Variants in FHIT observed in about 807,000 individuals in gnomAD.
FHIT encodes fragile histidine triad diadenosine triphosphatase, also known as bis(5'-adenosyl)-triphosphatase.
FHIT carries 19 observed loss-of-function variants against 17.9 expected under a neutral mutation model. The ratio of observed to expected loss-of-function variants is 1.06; its 90% CI spans 0.74 to 1.56. FHIT has a LOEUF of 1.56. Among genes scored for constraint, FHIT ranks in the 40% most tolerant of loss-of-function variants. FHIT has a pLI of 0.00. For missense variants in FHIT, 248 were observed against 189.2 expected (o/e 1.31, Z -1.82); for synonymous variants, 81 against 69.7 (o/e 1.16, Z -0.81).
chr3:61,117,234 C>G (rs574368998), intron 2 of FHIT, among the ~76,000 whole-genome samples: 32 of 152,284 alleles, frequency 2.1e-4, no homozygotes, highest in Admixed American at 3.9e-4. Context: ...ATCTTTTAAG[C>G]AACATGAGAC....
At chr3:59,897,309 C>A (rs1261652192) in intron 8 of FHIT, among the ~76,000 whole-genome samples, 3 of 152,180 alleles carry the variant, frequency 2.0e-5, no homozygotes, top group Non-Finnish European at 4.4e-5. Context: ...GCTCTAGACA[C>A]CCTCCCTATA....
Position 60,922,527 on chromosome 3 carries a change from A to G in FHIT, c.-110-100516T>C, listed in dbSNP as rs77430840. Among the ~76,000 whole-genome samples the G allele has an allele frequency of 4.5e-3, 691 of 152,352 alleles. 21 individuals are homozygous for G. The East Asian group carries it at 0.096, about 21-fold the overall frequency. ...GAGGTACCCACCTTCAGGAGAAAGA[A>G]ATTGCCTTTGCAATATAAAAGTTGC... On this transcript the variant is annotated intron_variant, in intron 3 of 9. Coordinates refer to ENST00000492590, the MANE Select transcript of FHIT (RefSeq NM_002012.4).
chr3:60,869,746 T>A (rs1704323705), intron 3 of FHIT, among the ~76,000 whole-genome samples: 2 of 151,998 alleles, frequency 1.3e-5, no homozygotes, highest in Admixed American at 1.3e-4. Context: ...ACCCCAGAAG[T>A]GCCAAGATAA....
At chr3:60,826,171 AAGGAAGGAAG>A (rs1702109989) in intron 3 of FHIT, among the ~76,000 whole-genome samples, 2 of 78,232 alleles carry the variant, frequency 2.6e-5, no homozygotes, top group Non-Finnish European at 5.2e-5. Context: ...GGAAGGAAGG[AAGGAAGGAAG>A]GAAGGAAGGA....
At chr3:60,824,590 C>T (rs555892002) in intron 3 of FHIT, among the ~76,000 whole-genome samples, 1 of 152,312 alleles carries the variant, frequency 6.6e-6, no homozygotes, top group Non-Finnish European at 1.5e-5. Flanking sequence ...CTCAACCTCA[C>T]TGATATGGTT....
At chr3:61,058,545 T>C (rs1375963194) in intron 2 of FHIT, among the ~76,000 whole-genome samples, 1 of 152,140 alleles carries the variant, frequency 6.6e-6, no homozygotes, top group African/African-American at 2.4e-5. Flanking sequence ...CTCGCAATAA[T>C]GAGTGAGATC....
chr3:61,207,030 A>G (rs374640899), intron 1 of FHIT, among the ~76,000 whole-genome samples: 4 of 152,054 alleles, frequency 2.6e-5, no homozygotes, highest in Admixed American at 6.6e-5. Flanking sequence ...TAGCATGAAG[A>G]GTTGTTGAAT....
At chr3:60,190,767 TAATAAA>T (rs1489662479) in intron 5 of FHIT, among the ~76,000 whole-genome samples, 1 of 151,840 alleles carries the variant, frequency 6.6e-6, no homozygotes, top group African/African-American at 2.4e-5. Flanking sequence ...AGTATAATAA[TAATAAA>T]ATTTAAAAAA....
At chr3:60,090,291 G>A (rs1576075804) in intron 5 of FHIT, among the ~76,000 whole-genome samples, 1 of 152,144 alleles carries the variant, frequency 6.6e-6, no homozygotes, top group African/African-American at 2.4e-5. Context: ...CTGCAAAACT[G>A]TCATTCCTCT....
intron 1 of FHIT, among the ~76,000 whole-genome samples, chr3:61,250,691 C>T (rs930992895): frequency 3.9e-5 from 6 of 152,162 alleles, no homozygotes; most frequent in East Asian, 1.9e-4. Flanking sequence ...AAATTCCCCC[C>T]TTTGACGCTA....
intron 8 of FHIT, among the ~76,000 whole-genome samples, chr3:59,830,569 T>A (rs1202270293): frequency 6.6e-6 from 1 of 152,228 alleles, no homozygotes; most frequent in East Asian, 1.9e-4. Flanking sequence ...AGTGTGCAGT[T>A]TTCCCCAACA....
intron 4 of FHIT, among the ~76,000 whole-genome samples, chr3:60,545,890 T>C (rs1433258275): frequency 6.6e-6 from 1 of 152,226 alleles, no homozygotes; most frequent in Non-Finnish European, 1.5e-5. Flanking sequence ...TTCATTGGTT[T>C]CTGAGAGGAC....
intron 5 of FHIT, among the ~76,000 whole-genome samples, chr3:60,502,304 G>A (rs1307683951): frequency 2.0e-5 from 3 of 152,100 alleles, no homozygotes; most frequent in African/African-American, 7.2e-5. Context: ...GCATCTCAGT[G>A]GTCATAGAGG....
chr3:60,722,908 G>C (rs554644841), intron 4 of FHIT, among the ~76,000 whole-genome samples: 25 of 152,086 alleles, frequency 1.6e-4, no homozygotes, highest in Admixed American at 9.2e-4. Context: ...AGTTTTAGTA[G>C]AGACTGGGTT....
chr3:60,635,393 CTGAACCACTTAG>C (rs1200183494), intron 4 of FHIT, among the ~76,000 whole-genome samples: 1 of 152,220 alleles, frequency 6.6e-6, no homozygotes, highest in Non-Finnish European at 1.5e-5. Flanking sequence ...CCTCCCTTTA[CTGAACCACTTAG>C]TGGCATTTGG....
rs559348430 is a variant in FHIT at position 59,924,907 on chromosome 3, T to C, written c.280-2493A>G. On this transcript the variant is annotated intron_variant, in intron 7 of 9. Coordinates refer to ENST00000492590, the MANE Select transcript of FHIT (RefSeq NM_002012.4). ...CACTTTGAGAACCACTGGCTTACAA[T>C]ATCCACCTGGTTTCTTACCTTGCTT... 9.2e-5 allele frequency among the ~76,000 whole-genome samples: 14 copies of C among 152,318 alleles called. 2 individuals are homozygous for C. Among genetic ancestry groups the C allele is most frequent in the African/African-American group, 3.4e-4 (14 of 41,578 alleles).
chr3:61,055,188 T>C (rs10510859), intron 2 of FHIT, among the ~76,000 whole-genome samples: 34,772 of 151,932 alleles, frequency 0.23, 5,181 homozygotes, highest in African/African-American at 0.42. Context: ...TGTTGAGTTT[T>C]CCTAAATCTA....
intron 4 of FHIT, among the ~76,000 whole-genome samples, chr3:60,696,344 T>C (rs1291446519): frequency 2.6e-5 from 4 of 152,240 alleles, no homozygotes; most frequent in South Asian, 2.1e-4. Flanking sequence ...CGACTTCCCA[T>C]ACTTCTTCAG....
At chr3:60,398,869 G>T (rs931549838) in intron 5 of FHIT, among the ~76,000 whole-genome samples, 3 of 85,148 alleles carry the variant, frequency 3.5e-5, no homozygotes, top group African/African-American at 1.2e-4. Context: ...TGTGTTACAA[G>T]AAAATGTTTT....
Sources: allele counts gnomAD v4.1 joint callset (sites outside exome capture counted in the v4.1 genomes callset), GRCh38; gene constraint gnomAD v4.1.1; transcripts MANE v1.5; gene names NCBI Gene and HGNC (gene_info 2026-07-23, HGNC 2026-07-21).